Variants in PKD2 observed in about 807,000 individuals in gnomAD.
The protein encoded by PKD2 is polycystin 2, transient receptor potential cation channel, also known as polycystin-2.
A neutral mutation model predicts 105.9 loss-of-function variants in PKD2; 48 were observed. The observed-to-expected ratio is 0.45, with a 90% CI of 0.36 to 0.58. The LOEUF is 0.58. Ranked by LOEUF, PKD2 falls within the 20% of genes least tolerant of loss-of-function variation. The probability of loss-of-function intolerance (pLI) is 0.00; values close to 1 mark genes in which losing one functional copy is unlikely to be tolerated. For missense variants in PKD2, 1,078 were observed against 1,255.3 expected (o/e 0.86, Z 2.13); for synonymous variants, 464 against 481.1 (o/e 0.96, Z 0.46).
At chr4:88,065,588 A>G (rs1003768432) in intron 11 of PKD2, 93 bp downstream of exon 11, 4 of 1,339,356 alleles carry the variant, frequency 3.0e-6, no homozygotes, top group Admixed American at 1.8e-5. Flanking sequence ...GGGCTCATAC[A>G]GATACTTTTT....
intron 5 of PKD2, among the ~76,000 whole-genome samples, chr4:88,045,723 T>G (rs146054972): frequency 6.6e-6 from 1 of 152,282 alleles, no homozygotes; most frequent in African/African-American, 2.4e-5. Context: ...GCCATCAGTA[T>G]GGATGTAAAA....
chr4:88,056,837 G>A (rs531440854), intron 8 of PKD2, among the ~76,000 whole-genome samples: 36 of 152,222 alleles, frequency 2.4e-4, no homozygotes, highest in African/African-American at 7.0e-4. Context: ...TAGATATCTC[G>A]AATTAATATT....
intron 1 of PKD2, among the ~76,000 whole-genome samples, chr4:88,014,377 C>G (rs1252700746): frequency 6.6e-6 from 1 of 151,888 alleles, no homozygotes; most frequent in African/African-American, 2.4e-5. Flanking sequence ...TCAGGCCAGG[C>G]ACGGTGGCAC....
At chr4:88,014,628 G>A (rs1326412554) in intron 1 of PKD2, among the ~76,000 whole-genome samples, 1 of 152,206 alleles carries the variant, frequency 6.6e-6, no homozygotes, top group African/African-American at 2.4e-5. Flanking sequence ...ATACTAGGAA[G>A]GATTGTGTTC....
chr4:88,010,814 C>T (rs1282498978), intron 1 of PKD2, among the ~76,000 whole-genome samples: 1 of 152,184 alleles, frequency 6.6e-6, no homozygotes, highest in Admixed American at 6.5e-5. Flanking sequence ...CGATTTTGCT[C>T]CTTCTACAGT....
chr4:88,008,476 C>G (rs530585602), intron 1 of PKD2, 148 bp downstream of exon 1: 2 of 1,044,886 alleles, frequency 1.9e-6, no homozygotes, highest in South Asian at 4.1e-5. Flanking sequence ...CCCACCTCCG[C>G]TAGTGCTGCC....
intron 7 of PKD2, among the ~76,000 whole-genome samples, chr4:88,054,731 T>C (rs1720257806): frequency 6.8e-6 from 1 of 146,204 alleles, no homozygotes; most frequent in Admixed American, 6.9e-5. Flanking sequence ...CTTAGCTCAC[T>C]GCAACCTCCG....
chr4:88,033,572 G>C (rs186215443), intron 2 of PKD2, among the ~76,000 whole-genome samples: 1 of 152,138 alleles, frequency 6.6e-6, no homozygotes, highest in East Asian at 1.9e-4. Flanking sequence ...CAGATCTTGA[G>C]AATTTCAAAA....
Position 88,036,264 on chromosome 4 carries a change from A to G in PKD2, c.754A>G (p.Met252Val), listed in dbSNP as rs1727327302. The G allele has an allele frequency of 2.1e-5, 34 of 1,613,866 alleles. No individual in the cohort carries two copies. The highest frequency in any genetic ancestry group is 2.9e-5 in the Non-Finnish European group (34 of 1,179,794). Residue 252 changes from methionine (M) to valine (V), a missense_variant, in exon 3 of 15, where the codon ATG becomes GTG. Met to Val is a conservative substitution (Grantham distance 21, BLOSUM62 1). Around this residue, in one of 2 missense-constraint regions of PKD2, gnomAD observed 868 missense variants for 1,067.3 expected, o/e 0.81. Transcript: ENST00000237596. ...CTCCAATGTGTACTACTACACCCGGATGATGTCACAGCTCTTCCTAGACAC... is the reference window on the plus strand; with the variant it reads ...CTCCAATGTGTACTACTACACCCGGGTGATGTCACAGCTCTTCCTAGACAC... ...MSSNVYYYTR[M>V]MSQLFLDTPV...
At chr4:88,040,372 C>T (rs1483162296) in intron 4 of PKD2, among the ~76,000 whole-genome samples, 1 of 152,212 alleles carries the variant, frequency 6.6e-6, no homozygotes, top group Non-Finnish European at 1.5e-5. Context: ...AAGCCTTGAA[C>T]AATGCCTCAT....
At chr4:88,051,905 T>C (rs1381356791) in intron 6 of PKD2, 86 bp from the exon 7 acceptor site, 2 of 731,778 alleles carry the variant, frequency 2.7e-6, no homozygotes, top group African/African-American at 1.8e-5. Context: ...ATTAATACAT[T>C]GGTGAAGAAA....
chr4:88,060,051 G>A (rs1157997373), intron 9 of PKD2, among the ~76,000 whole-genome samples: 2 of 152,182 alleles, frequency 1.3e-5, no homozygotes, highest in Non-Finnish European at 2.9e-5. Flanking sequence ...AGAGGAGGGT[G>A]AGCTAGCTTC....
At position 88,077,126 on chromosome 4, in the gene PKD2, AACCCTC is replaced by A. The variant is rs879454438; in HGVS notation, c.*1435_*1440del. 1 of 152,440 alleles carries A rather than the reference AACCCTC, an allele frequency of 6.6e-6. No homozygotes were observed. Among genetic ancestry groups the A allele is most frequent in the Non-Finnish European group, 1.5e-5 (1 of 68,032 alleles). 9.4% of individuals were successfully genotyped at this position (152,440 alleles called of 1,614,324 possible). A position where few individuals can be genotyped will look rare whatever the true frequency, so the allele number is the denominator to read the frequency against. ...AAAAGAGCATGCAGTGCTGTTGAAT[AACCCTC>A]ACTTGGAGAACCAAGAGAATCCTGT... On this transcript the variant is annotated 3_prime_UTR_variant, in exon 15 of 15. Coordinates refer to ENST00000237596, the MANE Select transcript of PKD2 (RefSeq NM_000297.4).
intron 2 of PKD2, among the ~76,000 whole-genome samples, chr4:88,030,023 G>A (rs965276026): frequency 6.6e-6 from 1 of 152,160 alleles, no homozygotes; most frequent in African/African-American, 2.4e-5. Flanking sequence ...ATTCCTTTAA[G>A]TTTTAAGAGG....
intron 1 of PKD2, among the ~76,000 whole-genome samples, chr4:88,012,884 A>G (rs1038669501): frequency 2.0e-5 from 3 of 152,172 alleles, no homozygotes; most frequent in African/African-American, 7.2e-5. Context: ...AGGTTTATCC[A>G]TGCGTGCAAA....
At chr4:88,022,493 C>A (rs1437652993) in intron 2 of PKD2, among the ~76,000 whole-genome samples, 1 of 152,198 alleles carries the variant, frequency 6.6e-6, no homozygotes, top group African/African-American at 2.4e-5. Flanking sequence ...GTAATTCCCC[C>A]ATTCCTGTGA....
intron 4 of PKD2, among the ~76,000 whole-genome samples, chr4:88,041,423 A>G (rs753502247): frequency 2.6e-5 from 4 of 152,236 alleles, no homozygotes; most frequent in Non-Finnish European, 5.9e-5. Context: ...AGGACTCAGC[A>G]TAGAGGCATC....
chr4:88,055,240 G>A (rs1229203519), intron 7 of PKD2, among the ~76,000 whole-genome samples: 2 of 152,206 alleles, frequency 1.3e-5, no homozygotes, highest in African/African-American at 4.8e-5. Flanking sequence ...GAGATTTGAG[G>A]CAATGTACAT....
intron 2 of PKD2, among the ~76,000 whole-genome samples, chr4:88,030,089 T>C (rs1486310453): frequency 1.3e-5 from 2 of 152,196 alleles, no homozygotes; most frequent in East Asian, 3.8e-4. Flanking sequence ...GTCTGGACTT[T>C]TTAGAATTTC....
Sources: allele counts gnomAD v4.1 joint callset (sites outside exome capture counted in the v4.1 genomes callset), GRCh38; gene constraint gnomAD v4.1.1; regional missense constraint gnomAD v4.1.1; transcripts MANE v1.5; gene names NCBI Gene and HGNC (gene_info 2026-07-23, HGNC 2026-07-21).